The following PLEKHG7 variants were observed in gnomAD, a reference collection of about 807,000 sequenced individuals.
The protein encoded by PLEKHG7 is pleckstrin homology and RhoGEF domain containing G7.
PLEKHG7 carries 77 observed loss-of-function variants against 85.2 expected under a neutral mutation model. That is an observed-to-expected ratio of 0.90 (90% CI 0.75 to 1.09). The LOEUF (loss-of-function observed/expected upper bound fraction) is 1.09. Among genes scored for constraint, PLEKHG7 ranks in the 50% least tolerant of loss-of-function variants. The pLI, the probability that PLEKHG7 is intolerant of heterozygous loss-of-function variation, is 0.00. For synonymous variants in PLEKHG7, 301 were observed against 302.4 expected, an observed-to-expected ratio of 1.00 and a Z score of 0.05; for missense variants, 777 against 804.3, an observed-to-expected ratio of 0.97 and a Z score of 0.41.
intron 9 of PLEKHG7, among the ~76,000 whole-genome samples, chr12:92,745,185 A>C (rs1872495962): frequency 6.6e-6 from 1 of 152,206 alleles, no homozygotes; most frequent in South Asian, 2.1e-4. Context: ...CAGAAGTAAA[A>C]GGGTGAATTA....
chr12:92,733,546 C>A (rs962871689), intron 5 of PLEKHG7, among the ~76,000 whole-genome samples: 1 of 152,146 alleles, frequency 6.6e-6, no homozygotes, highest in Non-Finnish European at 1.5e-5. Context: ...TAGAGACGTG[C>A]TTTGTCTGTT....
chr12:92,741,019 C>T, intron 8 of PLEKHG7, 71 bp downstream of exon 8: 1 of 1,117,898 alleles, frequency 8.9e-7, no homozygotes, highest in South Asian at 1.3e-5. Flanking sequence ...TTGGTCTGTT[C>T]TTATGGCTTG....
chr12:92,725,044 T>C (rs1195874522), intron 3 of PLEKHG7, among the ~76,000 whole-genome samples: 1 of 151,976 alleles, frequency 6.6e-6, no homozygotes, highest in Non-Finnish European at 1.5e-5. Context: ...CCAGGGAATA[T>C]AGACAATTGA....
intron 15 of PLEKHG7, among the ~76,000 whole-genome samples, chr12:92,766,444 A>C (rs10777449): frequency 0.39 from 59,565 of 151,992 alleles, 12,751 homozygotes; most frequent in East Asian, 0.88. Flanking sequence ...GCCAGCTTTA[A>C]GACTTGAACT....
Position 92,706,574 on chromosome 12 carries a change from G to A in PLEKHG7, c.-58G>A. On this transcript the variant is annotated 5_prime_UTR_variant, in exon 2 of 17. Transcript: ENST00000344636. ...TTGAGCACCCTCCATGTGATCCAGA[G>A]AACAGCAACTCATACGTCTTCTGGA... is the stretch of plus-strand genomic sequence containing the variant. The A allele has an allele frequency of 6.6e-7, 1 of 1,522,104 alleles. No individual in the cohort carries two copies. The highest frequency in any genetic ancestry group is 8.8e-7 in the Non-Finnish European group (1 of 1,138,920). The allele number at this position is 1,522,104 out of a possible 1,614,324, so 94.3% of individuals were successfully genotyped here.
intron 2 of PLEKHG7, 70 bp downstream of exon 2, chr12:92,707,208 T>C: frequency 6.6e-7 from 1 of 1,525,546 alleles, no homozygotes; most frequent in South Asian, 1.3e-5. Flanking sequence ...CAGAGTTGCT[T>C]AGTTCCCCCA....
At chr12:92,746,133 T>C (rs747506860) in intron 10 of PLEKHG7, among the ~76,000 whole-genome samples, 1 of 152,236 alleles carries the variant, frequency 6.6e-6, no homozygotes, top group Non-Finnish European at 1.5e-5. Context: ...CATTTTCTAG[T>C]AGCCAAGCCT....
intron 5 of PLEKHG7, among the ~76,000 whole-genome samples, chr12:92,732,821 G>A (rs1195125703): frequency 6.6e-6 from 1 of 152,104 alleles, no homozygotes; most frequent in Admixed American, 6.5e-5. Context: ...GACAAGGGTG[G>A]CCACAGTCAA....
chr12:92,762,258 G>A (rs913855486), intron 14 of PLEKHG7, among the ~76,000 whole-genome samples: 2 of 152,244 alleles, frequency 1.3e-5, no homozygotes, highest in South Asian at 2.1e-4. Context: ...ACTGTCTACT[G>A]TCTTATGTCG....
chr12:92,741,912 G>A (rs1354245486), intron 9 of PLEKHG7, among the ~76,000 whole-genome samples: 3 of 152,102 alleles, frequency 2.0e-5, no homozygotes, highest in Admixed American at 6.5e-5. Context: ...TGCTAATTAC[G>A]TAATTCAGTT....
chr12:92,761,663 AAAG>A (rs1417503350), intron 13 of PLEKHG7, 86 bp from the exon 14 acceptor site: 2 of 1,309,060 alleles, frequency 1.5e-6, no homozygotes, highest in Non-Finnish European at 9.9e-7. Context: ...AGAAAGAAAG[AAAG>A]AAAGAAAGAA....
chr12:92,741,627 G>A (rs772083542), intron 9 of PLEKHG7, 35 bp downstream of exon 9: 1 of 1,524,054 alleles, frequency 6.6e-7, no homozygotes, highest in Non-Finnish European at 9.1e-7. Flanking sequence ...GCTTCATGTA[G>A]TAAAATCACC....
At chr12:92,743,221 T>C (rs1000478431) in intron 9 of PLEKHG7, among the ~76,000 whole-genome samples, 2 of 152,136 alleles carry the variant, frequency 1.3e-5, no homozygotes, top group Non-Finnish European at 2.9e-5. Flanking sequence ...TTGGAGACCA[T>C]GGCAAAGCAC....
At chr12:92,765,089 T>C (rs1377880194) in intron 15 of PLEKHG7, among the ~76,000 whole-genome samples, 1 of 152,120 alleles carries the variant, frequency 6.6e-6, no homozygotes, top group Non-Finnish European at 1.5e-5. Flanking sequence ...GTGAAGAGCA[T>C]AGGACTGACT....
chr12:92,768,221 A>AG (rs1220816453), intron 15 of PLEKHG7, among the ~76,000 whole-genome samples: 1 of 152,050 alleles, frequency 6.6e-6, no homozygotes, highest in Non-Finnish European at 1.5e-5. Flanking sequence ...AAAAAAAAAA[A>AG]AGAGAGAAAA....
chr12:92,763,704 T>G (rs1239185592), intron 14 of PLEKHG7, among the ~76,000 whole-genome samples: 1 of 151,938 alleles, frequency 6.6e-6, no homozygotes, highest in African/African-American at 2.4e-5. Context: ...TAGTCCCAGC[T>G]ACTTGAGAGG....
Position 92,729,964 on chromosome 12 carries a change from AAGG to A in PLEKHG7, c.658+847_658+849del, listed in dbSNP as rs199652480. Among the ~76,000 whole-genome samples, 1,079 of 152,254 alleles carry A rather than the reference AAGG, an allele frequency of 7.1e-3. 13 individuals carry two copies. Among genetic ancestry groups the A allele is most frequent in the African/African-American group, 0.024 (982 of 41,534 alleles). On this transcript the variant is annotated intron_variant, in intron 4 of 16. Transcript: ENST00000344636. Reference sequence around the variant, plus strand: ...CACATATGTGTGAGTGAGACCCAGAAAGGAGAAGTGGCCTAGTCATGGGGTCAG... The same window carrying A: ...CACATATGTGTGAGTGAGACCCAGAAAGAAGTGGCCTAGTCATGGGGTCAG...
In PLEKHG7 at chr12:92,755,924, G is replaced by A. The variant is rs754130880; in HGVS notation, c.1526G>A (p.Arg509Lys). ...VWPPLWDRDKRFFIPECLKHI... is the reference protein window; with the variant it reads ...VWPPLWDRDKKFFIPECLKHI... The stretch of plus-strand genomic sequence containing the variant: ...CCACCGCTTTGGGATAGAGATAAAA[G>A]GTTTTTCATTCCAGAGGTACAAAAA... The change falls in exon 12 of 17, where the codon AGG becomes AAG. Residue 509 changes from arginine (R) to lysine (K), a missense_variant. Around this residue, in one of 3 missense-constraint regions of PLEKHG7, gnomAD observed 520 missense variants for 544.0 expected, o/e 0.96. Transcript: ENST00000344636. 10 of 1,607,704 alleles carry A rather than the reference G, an allele frequency of 6.2e-6. No individual in the cohort carries two copies. The highest frequency in any genetic ancestry group is 8.5e-6 in the Non-Finnish European group (10 of 1,177,860).
Position 92,745,585 on chromosome 12 carries a change from T to C in PLEKHG7, c.1245T>C (p.Tyr415=), listed in dbSNP as rs201467498. 2.1e-4 allele frequency: 342 copies of C among 1,607,614 alleles called. 1 individual carries two copies. The Admixed American group carries it at 5.6e-3, about 26-fold the overall frequency. ...GGCAGAGAGATGACTTTGGAATTTA[T>C]TTAAAAGTAAAGTATCATTTTCTTT... The part of the protein sequence containing the change: ...SLRQRDDFGI[Y]LKWCEQNEQC... The change falls in exon 10 of 17, where the codon TAT becomes TAC. Residue 415 remains tyrosine (Y), a synonymous_variant. Coordinates refer to ENST00000344636, the MANE Select transcript of PLEKHG7 (RefSeq NM_001377329.1).
Sources: allele counts gnomAD v4.1 joint callset (sites outside exome capture counted in the v4.1 genomes callset), GRCh38; gene constraint gnomAD v4.1.1; regional missense constraint gnomAD v4.1.1; transcripts MANE v1.5; gene names NCBI Gene and HGNC (gene_info 2026-07-23, HGNC 2026-07-21).